Variants in TMEM178B observed in about 807,000 individuals in gnomAD.
The protein encoded by TMEM178B is transmembrane protein 178B.
In TMEM178B, 5 loss-of-function variants were observed where a neutral mutation model predicts 31.0. The ratio of observed to expected loss-of-function variants is 0.16; its 90% CI spans 0.08 to 0.34. The LOEUF is 0.34. Ranked by LOEUF, TMEM178B falls within the 10% of genes least tolerant of loss-of-function variation. The pLI, the probability that TMEM178B is intolerant of heterozygous loss-of-function variation, is 1.00. For synonymous variants in TMEM178B, 164 were observed against 164.0 expected (o/e 1.00, Z 0.00); for missense variants, 275 against 400.3 (o/e 0.69, Z 2.67).
intron 2 of TMEM178B, among the ~76,000 whole-genome samples, chr7:141,336,964 TACCACC>T (rs1222490787): frequency 5.5e-5 from 1 of 18,286 alleles, no homozygotes; most frequent in African/African-American, 2.9e-4. Flanking sequence ...CCACCATCAC[TACCACC>T]ACCACCACCA....
chr7:141,137,807 G>A (rs2129178627), intron 1 of TMEM178B, among the ~76,000 whole-genome samples: 1 of 152,216 alleles, frequency 6.6e-6, no homozygotes, highest in East Asian at 1.9e-4. Context: ...CAATTATTGT[G>A]TATCAATGAA....
At chr7:141,240,485 C>T (rs952291660) in intron 2 of TMEM178B, among the ~76,000 whole-genome samples, 1 of 152,184 alleles carries the variant, frequency 6.6e-6, no homozygotes, top group African/African-American at 2.4e-5. Flanking sequence ...CTTGTCTCTT[C>T]CATGGATGAT....
intron 2 of TMEM178B, among the ~76,000 whole-genome samples, chr7:141,371,324 C>T (rs1800112054): frequency 6.6e-6 from 1 of 152,072 alleles, no homozygotes; most frequent in Non-Finnish European, 1.5e-5. Context: ...ACCTCCCCAC[C>T]TCTCTTTCTT....
intron 2 of TMEM178B, among the ~76,000 whole-genome samples, chr7:141,418,148 T>A (rs1352694248): frequency 1.6e-4 from 24 of 152,198 alleles, no homozygotes. Context: ...GAAATATACT[T>A]AAGTCTTACA....
intron 1 of TMEM178B, among the ~76,000 whole-genome samples, chr7:141,149,540 GCAA>G (rs559066936): frequency 2.0e-4 from 30 of 152,000 alleles, no homozygotes; most frequent in African/African-American, 6.0e-4. Flanking sequence ...AACAACAACA[GCAA>G]CAACAACAAC....
intron 2 of TMEM178B, among the ~76,000 whole-genome samples, chr7:141,255,055 A>G (rs1395665089): frequency 6.6e-5 from 10 of 152,210 alleles, no homozygotes; most frequent in Non-Finnish European, 2.9e-5. Flanking sequence ...CACAACTAAG[A>G]AGGAAGAAAA....
chr7:141,467,626 T>C (rs1802167911), intron 3 of TMEM178B, among the ~76,000 whole-genome samples: 1 of 152,136 alleles, frequency 6.6e-6, no homozygotes, highest in African/African-American at 2.4e-5. Context: ...TCTTTGGAAA[T>C]GCAGATTGAA....
intron 1 of TMEM178B, among the ~76,000 whole-genome samples, chr7:141,134,581 C>A (rs1455084116): frequency 6.6e-6 from 1 of 152,042 alleles, no homozygotes; most frequent in East Asian, 1.9e-4. Context: ...AAAAAACCAC[C>A]AAACTGCAAT....
chr7:141,269,771 G>A (rs1380436521), intron 2 of TMEM178B, among the ~76,000 whole-genome samples: 2 of 152,012 alleles, frequency 1.3e-5, no homozygotes, highest in African/African-American at 4.8e-5. Context: ...TATAAGAGTT[G>A]TGTGACTTTG....
intron 2 of TMEM178B, among the ~76,000 whole-genome samples, chr7:141,214,436 T>A (rs1176211198): frequency 2.6e-5 from 4 of 152,184 alleles, no homozygotes; most frequent in Admixed American, 2.6e-4. Flanking sequence ...GGGAGAGACA[T>A]TCATAATACA....
chr7:141,137,211 G>T (rs980983846), intron 1 of TMEM178B, among the ~76,000 whole-genome samples: 2 of 152,094 alleles, frequency 1.3e-5, no homozygotes, highest in African/African-American at 4.8e-5. Flanking sequence ...CAACTACTGG[G>T]TATTTATTCA....
At chr7:141,416,048 A>G (rs1801090073) in intron 2 of TMEM178B, 1 of 152,702 alleles carries the variant, frequency 6.5e-6, no homozygotes, top group Non-Finnish European at 1.5e-5. Flanking sequence ...TTGTTGAGTC[A>G]TAAGATCTGA....
the TMEM178B span, among the ~76,000 whole-genome samples, chr7:141,488,433 C>CT: frequency 2.7e-4 from 41 of 149,646 alleles, no homozygotes; most frequent in Admixed American, 5.3e-4. Context: ...TATGCATTTT[C>CT]TTTTTTTTTT....
intron 2 of TMEM178B, among the ~76,000 whole-genome samples, chr7:141,404,362 A>G (rs1380481819): frequency 6.6e-6 from 1 of 152,214 alleles, no homozygotes; most frequent in Non-Finnish European, 1.5e-5. Flanking sequence ...ATTTATTCTC[A>G]CAGTTTTAGA....
chr7:141,117,446 C>G (rs891352694), intron 1 of TMEM178B, among the ~76,000 whole-genome samples: 1 of 152,084 alleles, frequency 6.6e-6, no homozygotes, highest in Non-Finnish European at 1.5e-5. Flanking sequence ...AATTTTCTCC[C>G]ATTCTGTAGG....
intron 1 of TMEM178B, among the ~76,000 whole-genome samples, chr7:141,122,967 C>T (rs1295190422): frequency 6.6e-6 from 1 of 152,196 alleles, no homozygotes. Context: ...CTGGAAATTC[C>T]AGTTGTGGTC....
At chr7:141,337,035 C>G (rs965843081) in intron 2 of TMEM178B, among the ~76,000 whole-genome samples, 1 of 82,598 alleles carries the variant, frequency 1.2e-5, no homozygotes, top group Admixed American at 1.1e-4. Flanking sequence ...ATCACCACCA[C>G]CACCACCACC....
intron 2 of TMEM178B, among the ~76,000 whole-genome samples, chr7:141,393,338 A>G (rs974041853): frequency 6.6e-6 from 1 of 152,244 alleles, no homozygotes; most frequent in African/African-American, 2.4e-5. Flanking sequence ...GGAAATATAA[A>G]GCACTTGAAA....
rs1799618708 is a variant in TMEM178B at position 141,346,240 on chromosome 7, A to C, written c.497-91368A>C. Among the ~76,000 whole-genome samples the C allele has an allele frequency of 3.9e-5, 6 of 152,036 alleles. No individual in the cohort carries two copies. The South Asian group carries it at 6.2e-4, about 16-fold the overall frequency. ...TCTCAAGAACAAACAAACAAAAAAAACCAAAAAACAAACAAAAAAACCTCT... is the reference window on the plus strand; with the variant it reads ...TCTCAAGAACAAACAAACAAAAAAACCCAAAAAACAAACAAAAAAACCTCT... On this transcript the variant is annotated intron_variant, in intron 2 of 3. Coordinates refer to ENST00000565468, the MANE Select transcript of TMEM178B (RefSeq NM_001195278.2).
Sources: allele counts gnomAD v4.1 joint callset (sites outside exome capture counted in the v4.1 genomes callset), GRCh38; gene constraint gnomAD v4.1.1; transcripts MANE v1.5; gene names NCBI Gene and HGNC (gene_info 2026-07-23, HGNC 2026-07-21).